Variants in TBC1D19 observed in about 807,000 individuals in gnomAD.
The protein encoded by TBC1D19 is TBC1 domain family, member 19.
Under a neutral mutation model 89.0 loss-of-function variants are expected in TBC1D19, and 60 were observed. The observed-to-expected ratio is 0.67, with a 90% CI of 0.55 to 0.84. The LOEUF (loss-of-function observed/expected upper bound fraction) is 0.84. TBC1D19 is among the 40% of genes least tolerant of loss of function. The pLI, the probability that TBC1D19 is intolerant of heterozygous loss-of-function variation, is 0.00. For synonymous variants in TBC1D19, 189 were observed against 199.7 expected, an observed-to-expected ratio of 0.95 and a Z score of 0.45; for missense variants, 500 against 610.8, an observed-to-expected ratio of 0.82 and a Z score of 1.91.
chr4:26,786,597 T>G, the TBC1D19 span, among the ~76,000 whole-genome samples: 1 of 152,118 alleles, frequency 6.6e-6, no homozygotes, highest in Admixed American at 6.5e-5. Context: ...GGGGTGGTGC[T>G]GCAAACACAG....
chr4:26,594,573 A>C (rs2109962317), intron 1 of TBC1D19, among the ~76,000 whole-genome samples: 1 of 152,302 alleles, frequency 6.6e-6, no homozygotes, highest in South Asian at 2.1e-4. Context: ...TCAAGCCGTA[A>C]AACATGTTTT....
At chr4:26,599,950 C>CAAAAAA in intron 1 of TBC1D19, among the ~76,000 whole-genome samples, 1 of 72,782 alleles carries the variant, frequency 1.4e-5, no homozygotes, top group Non-Finnish European at 2.4e-5. Context: ...TCTGTCTCTC[C>CAAAAAA]AAAAAAAAAA....
chr4:26,651,760 G>A (rs1452055339), intron 7 of TBC1D19, among the ~76,000 whole-genome samples: 3 of 152,124 alleles, frequency 2.0e-5, no homozygotes, highest in Non-Finnish European at 4.4e-5. Context: ...TTGAATAGGA[G>A]TGGTGAGAGA....
the TBC1D19 span, among the ~76,000 whole-genome samples, chr4:26,852,822 C>T: frequency 0.82 from 124,293 of 152,076 alleles, 51,099 homozygotes; most frequent in Middle Eastern, 0.96. Flanking sequence ...GGTTTCACCG[C>T]GTTAGCCAGG....
intron 7 of TBC1D19, among the ~76,000 whole-genome samples, chr4:26,645,930 C>T (rs538319324): frequency 1.4e-4 from 21 of 150,964 alleles, no homozygotes; most frequent in Admixed American, 2.6e-4. Flanking sequence ...GAGACCATCC[C>T]GGCTAAAACG....
intron 17 of TBC1D19, chr4:26,741,032 A>G: frequency 2.3e-6 from 2 of 856,110 alleles, no homozygotes; most frequent in Non-Finnish European, 2.8e-6. Flanking sequence ...AATCTGGAAT[A>G]ATCAGAAATA....
chr4:26,722,586 T>C (rs1443943759), intron 15 of TBC1D19, among the ~76,000 whole-genome samples: 1 of 152,192 alleles, frequency 6.6e-6, no homozygotes, highest in Non-Finnish European at 1.5e-5. Context: ...GGCCATTTTA[T>C]GTAAAAGCTA....
At chr4:26,752,964 T>C (rs1462788247) in intron 19 of TBC1D19, among the ~76,000 whole-genome samples, 3 of 152,094 alleles carry the variant, frequency 2.0e-5, no homozygotes, top group African/African-American at 7.2e-5. Flanking sequence ...TGGCCTCCAG[T>C]GTTGTTTTCT....
intron 19 of TBC1D19, among the ~76,000 whole-genome samples, chr4:26,750,171 C>G (rs1718872891): frequency 6.6e-6 from 1 of 152,198 alleles, no homozygotes; most frequent in Non-Finnish European, 1.5e-5. Context: ...TCTACTCTCA[C>G]ATTTTCGCCT....
At chr4:26,710,868 A>G (rs550530546) in intron 13 of TBC1D19, among the ~76,000 whole-genome samples, 7 of 151,912 alleles carry the variant, frequency 4.6e-5, no homozygotes, top group African/African-American at 1.2e-4. Flanking sequence ...CCACGTTTTG[A>G]TGGGGTTGTT....
chr4:26,680,961 C>CT (rs766671508), intron 11 of TBC1D19, among the ~76,000 whole-genome samples: 6 of 152,282 alleles, frequency 3.9e-5, no homozygotes, highest in South Asian at 2.1e-4. Flanking sequence ...GGCTTCAACT[C>CT]TGTTTTCAAT....
intron 8 of TBC1D19, among the ~76,000 whole-genome samples, chr4:26,664,119 A>G (rs1046013796): frequency 6.6e-6 from 1 of 152,180 alleles, no homozygotes; most frequent in East Asian, 1.9e-4. Context: ...CAAGAGCTGC[A>G]GGCTAGTGGA....
At chr4:26,857,743 C>G in the TBC1D19 span, 2 of 152,276 alleles carry the variant, frequency 1.3e-5, no homozygotes, top group African/African-American at 2.4e-5. Context: ...GGAACCGGTT[C>G]TCCGAGTCCG....
At chr4:26,732,436 T>C (rs746619400) in intron 15 of TBC1D19, among the ~76,000 whole-genome samples, 138 of 152,336 alleles carry the variant, frequency 9.1e-4, no homozygotes, top group Non-Finnish European at 1.6e-3. Context: ...TCGCTTATTT[T>C]TATTATGATT....
chr4:26,707,810 C>G (rs1300250091), intron 13 of TBC1D19, among the ~76,000 whole-genome samples: 1 of 151,936 alleles, frequency 6.6e-6, no homozygotes, highest in Non-Finnish European at 1.5e-5. Flanking sequence ...ACTTTAGTAA[C>G]ATACAAAATT....
chr4:26,694,774 G>T (rs1311641972), intron 13 of TBC1D19, among the ~76,000 whole-genome samples: 2 of 152,210 alleles, frequency 1.3e-5, no homozygotes, highest in African/African-American at 4.8e-5. Flanking sequence ...CTGATACCCA[G>T]GCAAACAGGG....
At chr4:26,606,635 G>T (rs1205669074) in intron 1 of TBC1D19, among the ~76,000 whole-genome samples, 7 of 152,144 alleles carry the variant, frequency 4.6e-5, no homozygotes, top group Admixed American at 3.9e-4. Flanking sequence ...TTTAAATTTA[G>T]AGTTTCGAAG....
At chr4:26,781,734 A>C in the TBC1D19 span, among the ~76,000 whole-genome samples, 1 of 152,210 alleles carries the variant, frequency 6.6e-6, no homozygotes, top group African/African-American at 2.4e-5. Context: ...AGTGAAACTT[A>C]ACTTCTACTT....
At chr4:26,742,443 G>A (rs914921123) in intron 17 of TBC1D19, 65 bp from the exon 18 acceptor site, 21 of 1,307,760 alleles carry the variant, frequency 1.6e-5, no homozygotes, top group Non-Finnish European at 2.0e-5. Context: ...TGAATAATTT[G>A]TTGGCATAGT....
Sources: allele counts gnomAD v4.1 joint callset (sites outside exome capture counted in the v4.1 genomes callset), GRCh38; gene constraint gnomAD v4.1.1; transcripts MANE v1.5; gene names NCBI Gene and HGNC (gene_info 2026-07-23, HGNC 2026-07-21).